KCTD1: variants seen among roughly 807,000 people sequenced by gnomAD.
The protein encoded by KCTD1 is BTB/POZ domain-containing protein KCTD1.
In KCTD1, 24 loss-of-function variants were observed where a neutral mutation model predicts 66.0. The ratio of observed to expected loss-of-function variants is 0.36; its 90% confidence interval spans 0.26 to 0.51. The LOEUF (loss-of-function observed/expected upper bound fraction) is 0.51, where lower values mean the gene tolerates loss of function less well. Among genes scored for constraint, KCTD1 ranks in the 20% least tolerant of loss-of-function variants. KCTD1 has a pLI of 0.95. For synonymous variants in KCTD1, 511 were observed against 517.2 expected (o/e 0.99, Z 0.16); for missense variants, 943 against 1,205.2 (o/e 0.78, Z 3.22).
At chr18:26,533,746 T>G (rs974115121) in intron 1 of KCTD1, among the ~76,000 whole-genome samples, 1 of 151,006 alleles carries the variant, frequency 6.6e-6, no homozygotes, top group African/African-American at 2.4e-5. Context: ...GTGATCTGCC[T>G]GCCTCAGCCT....
chr18:26,526,995 C>T (rs1984194241), intron 1 of KCTD1, among the ~76,000 whole-genome samples: 1 of 151,934 alleles, frequency 6.6e-6, no homozygotes, highest in South Asian at 2.1e-4. Context: ...GCTGTGAGCA[C>T]TAATGCTTTA....
intron 1 of KCTD1, among the ~76,000 whole-genome samples, chr18:26,591,133 C>G (rs767629972): frequency 1.4e-4 from 21 of 152,122 alleles, no homozygotes; most frequent in Non-Finnish European, 2.4e-4. Context: ...TCAAGCCATC[C>G]TCCTGCCTCA....
intron 1 of KCTD1, among the ~76,000 whole-genome samples, chr18:26,510,699 A>C (rs928332222): frequency 6.6e-6 from 1 of 152,274 alleles, no homozygotes; most frequent in African/African-American, 2.4e-5. Context: ...AACTTGAGAA[A>C]AATAACATCT....
intron 1 of KCTD1, among the ~76,000 whole-genome samples, chr18:26,645,686 C>T (rs1987915708): frequency 1.3e-5 from 2 of 152,300 alleles, no homozygotes; most frequent in East Asian, 1.9e-4. Flanking sequence ...GCATGAGCTG[C>T]CGTGCCCACC....
chr18:26,628,350 A>C (rs7226434), intron 1 of KCTD1, among the ~76,000 whole-genome samples: 1 of 152,112 alleles, frequency 6.6e-6, no homozygotes, highest in Non-Finnish European at 1.5e-5. Flanking sequence ...ACACACACAC[A>C]CACAGACCTT....
chr18:26,569,358 G>T (rs762765610), intron 1 of KCTD1, among the ~76,000 whole-genome samples: 1 of 152,110 alleles, frequency 6.6e-6, no homozygotes, highest in African/African-American at 2.4e-5. Context: ...AGTACTACAT[G>T]GGGCTCTGAG....
At chr18:26,513,355 G>A (rs1983451907) in intron 1 of KCTD1, among the ~76,000 whole-genome samples, 1 of 151,928 alleles carries the variant, frequency 6.6e-6, no homozygotes, top group Non-Finnish European at 1.5e-5. Context: ...CCAAAGTGCT[G>A]GGATTACAGG....
intron 1 of KCTD1, among the ~76,000 whole-genome samples, chr18:26,593,014 T>C (rs529405373): frequency 6.6e-6 from 1 of 152,352 alleles, no homozygotes; most frequent in East Asian, 1.9e-4. Context: ...TCCCTCCCGC[T>C]TCCTCACACC....
intron 3 of KCTD1, among the ~76,000 whole-genome samples, chr18:26,464,709 G>A (rs1980626989): frequency 6.6e-6 from 1 of 152,188 alleles, no homozygotes. Flanking sequence ...TTTTCTCTGA[G>A]GAATGTCTCC....
At chr18:26,601,304 A>G (rs17224790) in intron 1 of KCTD1, among the ~76,000 whole-genome samples, 28,519 of 144,100 alleles carry the variant, frequency 0.2, 3,192 homozygotes, top group Middle Eastern at 0.26. Flanking sequence ...ATATTTTGCC[A>G]GTAAATAAAA....
At position 26,501,066 on chromosome 18, in the gene KCTD1, G is replaced by A; in HGVS notation, c.1988+6C>T. The A allele has an allele frequency of 1.2e-6, 2 of 1,609,860 alleles. No homozygotes were observed. Among genetic ancestry groups the A allele is most frequent in the Non-Finnish European group, 1.7e-6 (2 of 1,177,464 alleles). ...CGGAGTCTGATTTTTCAGTTTTTCA[G>A]ATTACCTGGATTCAGGGTATTTGGT... On this transcript the variant is annotated splice_donor_region_variant and intron_variant, in intron 2 of 4. Coordinates refer to ENST00000580059, the MANE Select transcript of KCTD1 (RefSeq NM_001142730.3).
chr18:26,632,069 CA>C (rs987430327), upstream of KCTD1, among the ~76,000 whole-genome samples: 13 of 131,100 alleles, frequency 9.9e-5, no homozygotes, highest in African/African-American at 3.1e-4. Context: ...AAACAAACAA[CA>C]AAAAAAAACC....
rs552902091 is a variant in KCTD1, at chr18:26,653,647, C to CAATG, written c.9+3709_9+3712dup. The stretch of plus-strand genomic sequence containing the variant: ...TATACAGCAAGCACAAATATTTGTT[C>CAATG]AATGAATGAATGAATGGACCTAATG... On this transcript the variant is annotated intron_variant, in intron 1 of 4. Transcript: ENST00000580191. Among the ~76,000 whole-genome samples the CAATG allele has an allele frequency of 6.6e-5, 10 of 152,248 alleles. No homozygotes were observed. The South Asian group carries it at 2.1e-3, about 32-fold the overall frequency.
chr18:26,490,364 T>G (rs1982133440), intron 2 of KCTD1, among the ~76,000 whole-genome samples: 1 of 152,124 alleles, frequency 6.6e-6, no homozygotes, highest in Non-Finnish European at 1.5e-5. Flanking sequence ...ACAGGGGGAT[T>G]AGGGAAAAGC....
At chr18:26,647,612 A>T (rs1378512221) in intron 1 of KCTD1, among the ~76,000 whole-genome samples, 1 of 147,722 alleles carries the variant, frequency 6.8e-6, no homozygotes, top group African/African-American at 2.5e-5. Context: ...ACCAAACTTC[A>T]TTTGTGCAGA....
At chr18:26,501,317 G>T (rs2144680945) in intron 1 of KCTD1, 67 bp from the exon 2 acceptor site, 2 of 1,347,656 alleles carry the variant, frequency 1.5e-6, no homozygotes, top group Non-Finnish European at 2.1e-6. Flanking sequence ...AATACATATA[G>T]CATAAAGAAT....
intron 1 of KCTD1, among the ~76,000 whole-genome samples, chr18:26,523,175 G>C (rs1212216971): frequency 6.6e-6 from 1 of 152,118 alleles, no homozygotes; most frequent in Non-Finnish European, 1.5e-5. Flanking sequence ...GACGATTAAC[G>C]ATCAAGTAGA....
At chr18:26,531,913 T>A (rs552010799) in intron 1 of KCTD1, among the ~76,000 whole-genome samples, 1 of 152,360 alleles carries the variant, frequency 6.6e-6, no homozygotes, top group South Asian at 2.1e-4. Context: ...TGCTTGCCTT[T>A]GTTAACAGTT....
At chr18:26,497,825 C>T (rs745524045) in intron 2 of KCTD1, among the ~76,000 whole-genome samples, 1 of 152,242 alleles carries the variant, frequency 6.6e-6, no homozygotes, top group East Asian at 1.9e-4. Context: ...AAGGATGTCT[C>T]GGAACTTGTG....
Sources: gnomAD v4.1 joint callset for allele counts (sites outside exome capture counted in the v4.1 genomes callset) on GRCh38, gnomAD v4.1.1 for gene constraint, MANE v1.5 for transcripts, NCBI Gene and HGNC (gene_info 2026-07-23, HGNC 2026-07-21) for gene names.